Variants in COL28A1 observed in about 807,000 individuals in gnomAD.
The protein encoded by COL28A1 is collagen type XXVIII alpha 1 chain, also known as collagen alpha-1(XXVIII) chain.
In COL28A1, 161 loss-of-function variants were observed where a neutral mutation model predicts 150.2. The ratio of observed to expected loss-of-function variants is 1.07; its 90% confidence interval spans 0.94 to 1.22. The LOEUF is 1.22. Ranked by LOEUF, COL28A1 falls within the 50% of genes most tolerant of loss-of-function variation. COL28A1 has a pLI of 0.00. For synonymous variants in COL28A1, 552 were observed against 469.7 expected, an observed-to-expected ratio of 1.18 and a Z score of -2.26; for missense variants, 1,617 against 1,388.3, an observed-to-expected ratio of 1.16 and a Z score of -2.62.
At chr7:7,347,914 T>G in the COL28A1 span, among the ~76,000 whole-genome samples, 2 of 151,998 alleles carry the variant, frequency 1.3e-5, no homozygotes, top group East Asian at 3.9e-4. Flanking sequence ...AGCCTCCTCA[T>G]GTAGGCAATG....
chr7:7,358,514 A>T lies in COL28A1; in HGVS notation c.*119T>A. ...CTAGGGCTGTAGTGAGAATTCAATTACATGTATAAGTTGTAAATACTCAGT... is the reference window on the plus strand; with the variant it reads ...CTAGGGCTGTAGTGAGAATTCAATTTCATGTATAAGTTGTAAATACTCAGT... On this transcript the variant is annotated 3_prime_UTR_variant, in exon 35 of 35. Coordinates refer to ENST00000399429, the MANE Select transcript of COL28A1 (RefSeq NM_001037763.3). The T allele has an allele frequency of 2.2e-6, 2 of 896,656 alleles. No homozygotes were observed. The highest frequency in any genetic ancestry group is 3.5e-6 in the Non-Finnish European group (2 of 576,942). The allele number at this position is 896,656 out of a possible 1,614,324, so 55.5% of individuals were successfully genotyped here.
chr7:7,372,899 A>G, intron 32 of COL28A1, 99 bp downstream of exon 32: 1 of 934,850 alleles, frequency 1.1e-6, no homozygotes, highest in Non-Finnish European at 1.6e-6. Flanking sequence ...AAGCCTTATT[A>G]GCCTCCAGAT....
chr7:7,424,335 G>A (rs79674894), intron 25 of COL28A1, among the ~76,000 whole-genome samples: 2,359 of 152,252 alleles, frequency 0.015, 67 homozygotes, highest in African/African-American at 0.054. Context: ...GTGTGTCCAT[G>A]TTAGGCCACC....
chr7:7,499,678 A>G (rs1185919211), intron 11 of COL28A1, among the ~76,000 whole-genome samples: 1 of 152,122 alleles, frequency 6.6e-6, no homozygotes, highest in Non-Finnish European at 1.5e-5. Context: ...GAACTGAAAT[A>G]TATCTACACA....
chr7:7,359,506 C>T (rs1780523177), intron 34 of COL28A1, among the ~76,000 whole-genome samples: 1 of 152,102 alleles, frequency 6.6e-6, no homozygotes, highest in South Asian at 2.1e-4. Context: ...TCCTCATTTG[C>T]TAAATCCCTT....
intron 32 of COL28A1, among the ~76,000 whole-genome samples, chr7:7,371,910 G>A (rs1269916261): frequency 6.6e-6 from 1 of 151,894 alleles, no homozygotes; most frequent in Non-Finnish European, 1.5e-5. Flanking sequence ...TCGGCTCACT[G>A]TAACCTCCGC....
chr7:7,428,159 A>C (rs1386406074), intron 25 of COL28A1, among the ~76,000 whole-genome samples: 1 of 152,230 alleles, frequency 6.6e-6, no homozygotes, highest in Non-Finnish European at 1.5e-5. Flanking sequence ...TATACCTGTA[A>C]TAACAACAAC....
rs767846405 is a variant in COL28A1, at chr7:7,532,734, CA to C, written c.124+17del. The C allele has an allele frequency of 1.3e-6, 2 of 1,580,854 alleles. No individual in the cohort carries two copies. The highest frequency in any genetic ancestry group is 2.2e-5 in the East Asian group (1 of 44,536). On this transcript the variant is annotated intron_variant, in intron 2 of 34. Transcript: ENST00000399429. ...TTAACAGGCTAAACTTAAAAACAAA[CA>C]ATTTTTTTTTTTTTACCCTGGACAT...
intron 15 of COL28A1, among the ~76,000 whole-genome samples, chr7:7,465,433 C>A (rs60584532): frequency 0.054 from 7,113 of 130,796 alleles, 178 homozygotes; most frequent in Middle Eastern, 0.15. Flanking sequence ...ACTATATCCC[C>A]CACCTGGCTC....
rs377724772 is a variant in COL28A1 at position 7,358,705 on chromosome 7, G to A, written c.3306C>T (p.Phe1102=). The part of the protein sequence containing the change: ...KQVNSCARFW[F]SGCNGSGNRF... ...TATTTCCTGAGCCATTACAGCCACT[G>A]AACCAAAATCGGGCACAAGAGTTGA... is the stretch of plus-strand genomic sequence containing the variant. The change falls in exon 35 of 35, where the codon TTC becomes TTT. Residue 1102 remains phenylalanine (F), a synonymous_variant. Transcript: ENST00000399429. 1.2e-6 allele frequency: 2 copies of A among 1,613,904 alleles called. No homozygotes were observed. The highest frequency in any genetic ancestry group is 1.7e-6 in the Non-Finnish European group (2 of 1,179,962).
At chr7:7,400,638 T>C (rs1213289593) in intron 27 of COL28A1, among the ~76,000 whole-genome samples, 2 of 152,060 alleles carry the variant, frequency 1.3e-5, no homozygotes, top group Admixed American at 1.3e-4. Context: ...ATTTTTTGTC[T>C]GCTGGATTGT....
rs1208975672 is a variant in COL28A1, at chr7:7,380,488, A to AT, written c.2322+171_2322+172insA. 2.0e-5 allele frequency among the ~76,000 whole-genome samples: 3 copies of AT among 152,158 alleles called. No individual in the cohort carries two copies. The East Asian group carries it at 5.8e-4, about 29-fold the overall frequency. On this transcript the variant is annotated intron_variant, in intron 30 of 34. Transcript: ENST00000399429. ...AGGTTTTATCTCTCCCCTCATAGTC[A>AT]GATTCAATTACCTCATGCATCTAAG...
chr7:7,378,754 G>C (rs150383222), intron 30 of COL28A1, among the ~76,000 whole-genome samples: 55 of 152,282 alleles, frequency 3.6e-4, no homozygotes, highest in African/African-American at 1.3e-3. Flanking sequence ...AACCTGACTT[G>C]TGTGTCTCCA....
chr7:7,537,543 C>T (rs933482747), upstream of COL28A1, among the ~76,000 whole-genome samples: 2 of 152,100 alleles, frequency 1.3e-5, no homozygotes, highest in African/African-American at 2.4e-5. Flanking sequence ...GTAACTTGTC[C>T]GCTGTCATAC....
Position 7,417,941 on chromosome 7 carries a change from G to C in COL28A1, c.2068-14C>G, listed in dbSNP as rs990378454. 2 of 1,598,110 alleles carry C rather than the reference G, an allele frequency of 1.3e-6. No homozygotes were observed. Among genetic ancestry groups the C allele is most frequent in the African/African-American group, 2.7e-5 (2 of 74,102 alleles). On this transcript the variant is annotated splice_polypyrimidine_tract_variant and intron_variant, in intron 26 of 34. Transcript: ENST00000399429. ...CCCAGTATCACCCTGTTAGAAGATG[G>C]GGAGAATTTGAAGACAAAATGTAAG...
chr7:7,343,538 C>T, the COL28A1 span, among the ~76,000 whole-genome samples: 2 of 151,806 alleles, frequency 1.3e-5, no homozygotes, highest in Admixed American at 6.6e-5. Context: ...GTATAATGTA[C>T]ACATAAAAAA....
At chr7:7,377,698 G>A (rs1309974682) in intron 30 of COL28A1, among the ~76,000 whole-genome samples, 2 of 151,994 alleles carry the variant, frequency 1.3e-5, no homozygotes, top group Non-Finnish European at 2.9e-5. Flanking sequence ...CTCCTGGGCA[G>A]TGGGACTCAC....
rs1444649320 is a variant in COL28A1, at chr7:7,531,623, CATA to C, written c.403_405del (p.Tyr135del). 1.9e-6 allele frequency: 3 copies of C among 1,606,276 alleles called. No individual in the cohort carries two copies. The highest frequency in any genetic ancestry group is 3.3e-5 in the Admixed American group (2 of 60,006). Reference sequence around the variant, plus strand: ...AGTAGCCTAGTGGCATTGGAAATGGCATAATAAGAGAAGGTACCTTGCCCTATT... The same window carrying C: ...AGTAGCCTAGTGGCATTGGAAATGGCATAAGAGAAGGTACCTTGCCCTATT... On this transcript the variant is annotated inframe_deletion, in exon 3 of 35. Coordinates refer to ENST00000399429, the MANE Select transcript of COL28A1 (RefSeq NM_001037763.3).
chr7:7,384,359 A>T (rs1782061821), intron 27 of COL28A1, among the ~76,000 whole-genome samples: 1 of 152,126 alleles, frequency 6.6e-6, no homozygotes, highest in African/African-American at 2.4e-5. Context: ...GGTCTTCTTT[A>T]TTCAGTTTAA....
Sources: allele counts gnomAD v4.1 joint callset (sites outside exome capture counted in the v4.1 genomes callset), GRCh38; gene constraint gnomAD v4.1.1; transcripts MANE v1.5; gene names NCBI Gene and HGNC (gene_info 2026-07-23, HGNC 2026-07-21).